NRXN1: variants seen among roughly 807,000 people sequenced by gnomAD.
NRXN1 encodes neurexin 1.
A neutral mutation model predicts 150.9 loss-of-function variants in NRXN1; 39 were observed. The ratio of observed to expected loss-of-function variants is 0.26; its 90% CI spans 0.20 to 0.34. NRXN1 has a LOEUF of 0.34. Among genes scored for constraint, NRXN1 ranks in the 10% least tolerant of loss-of-function variants. The pLI is 1.00. For missense variants in NRXN1, 1,815 were observed against 1,949.9 expected (o/e 0.93, Z 1.30); for synonymous variants, 924 against 757.0 (o/e 1.22, Z -3.62).
intron 18 of NRXN1, among the ~76,000 whole-genome samples, chr2:50,177,551 A>C (rs1048887036): frequency 6.6e-6 from 1 of 151,926 alleles, no homozygotes; most frequent in African/African-American, 2.4e-5. Flanking sequence ...AACAGAGCTA[A>C]AATATTATAT....
At chr2:50,407,748 G>A (rs115323320) in intron 17 of NRXN1, among the ~76,000 whole-genome samples, 1,526 of 152,102 alleles carry the variant, frequency 0.01, 21 homozygotes, top group African/African-American at 0.035. Context: ...AGAGACCTCC[G>A]CAGCAAAAAG....
intron 5 of NRXN1, among the ~76,000 whole-genome samples, chr2:50,736,552 C>T (rs1698775447): frequency 3.9e-5 from 6 of 152,122 alleles, no homozygotes; most frequent in Admixed American, 3.9e-4. Context: ...ATAATTGAAT[C>T]ACGAGGGCGG....
intron 21 of NRXN1, among the ~76,000 whole-genome samples, chr2:49,984,932 T>C (rs913496960): frequency 2.6e-5 from 4 of 152,176 alleles, no homozygotes; most frequent in African/African-American, 9.7e-5. Context: ...TATTTGGGCA[T>C]CCATTCCTGA....
intron 21 of NRXN1, among the ~76,000 whole-genome samples, chr2:49,968,942 T>C (rs1455688188): frequency 1.3e-5 from 2 of 152,104 alleles, no homozygotes; most frequent in Non-Finnish European, 2.9e-5. Context: ...TGTTCTGGCA[T>C]AGATACAATC....
At position 50,986,296 on chromosome 2, in the gene NRXN1, C is replaced by A. The variant is rs185697445; in HGVS notation, c.772+41206G>T. On this transcript the variant is annotated intron_variant, in intron 2 of 22. Coordinates refer to ENST00000401669, the MANE Select transcript of NRXN1 (RefSeq NM_001330078.2). ...TAACGTAAATTGGCAGTAGTTTGCT[C>A]TTGGGAATTTCATTTTTATAAATAA... Among the ~76,000 whole-genome samples the A allele has an allele frequency of 6.4e-4, 97 of 151,718 alleles. 1 individual carries two copies. Among genetic ancestry groups the A allele is most frequent in the Non-Finnish European group, 4.4e-4 (30 of 67,698 alleles).
chr2:50,402,992 T>A (rs1190058225), intron 17 of NRXN1, among the ~76,000 whole-genome samples: 1 of 151,990 alleles, frequency 6.6e-6, no homozygotes, highest in Non-Finnish European at 1.5e-5. Flanking sequence ...AATGTAAGGG[T>A]GCGGATTGGG....
intron 21 of NRXN1, among the ~76,000 whole-genome samples, chr2:50,031,155 C>T (rs1190716208): frequency 6.6e-6 from 1 of 152,024 alleles, no homozygotes; most frequent in Non-Finnish European, 1.5e-5. Context: ...TATCCAATGA[C>T]TTAAGAAAGT....
chr2:50,215,428 T>A lies in NRXN1; in HGVS notation c.3546+21361A>T, dbSNP rs990194442. ...ATGACCTGCTACCAAGTATAAATATTACAGCTTCCTGTGTCTAACATTGTC... is the reference window on the plus strand; with the variant it reads ...ATGACCTGCTACCAAGTATAAATATAACAGCTTCCTGTGTCTAACATTGTC... On this transcript the variant is annotated intron_variant, in intron 18 of 22. Transcript: ENST00000401669. 1.4e-4 allele frequency among the ~76,000 whole-genome samples: 21 copies of A among 152,166 alleles called. No individual in the cohort carries two copies. The South Asian group carries it at 3.9e-3, about 29-fold the overall frequency.
chr2:50,823,405 A>G (rs1369884497), intron 5 of NRXN1, among the ~76,000 whole-genome samples: 5 of 152,146 alleles, frequency 3.3e-5, no homozygotes, highest in African/African-American at 1.2e-4. Flanking sequence ...AATACCTACC[A>G]TCATACAACT....
intron 18 of NRXN1, among the ~76,000 whole-genome samples, chr2:50,219,656 G>A (rs2063657493): frequency 6.6e-6 from 1 of 151,108 alleles, no homozygotes; most frequent in South Asian, 2.1e-4. Context: ...GGAGGCCAAG[G>A]CAGGAGGATC....
chr2:50,918,517 C>T (rs1000570476), intron 5 of NRXN1: 16 of 363,574 alleles, frequency 4.4e-5, no homozygotes, highest in African/African-American at 2.1e-4. Flanking sequence ...TGCCAACATT[C>T]GCTGATAATT....
intron 18 of NRXN1, among the ~76,000 whole-genome samples, chr2:50,221,706 C>G (rs2063902383): frequency 6.6e-6 from 1 of 151,986 alleles, no homozygotes; most frequent in African/African-American, 2.4e-5. Context: ...AAAAACTCAA[C>G]TAGGTACATC....
chr2:50,467,130 G>T (rs191740295), intron 16 of NRXN1, among the ~76,000 whole-genome samples: 1 of 151,848 alleles, frequency 6.6e-6, no homozygotes, highest in African/African-American at 2.4e-5. Context: ...ATTTCCATGT[G>T]CAGCGTTTAT....
intron 8 of NRXN1, among the ~76,000 whole-genome samples, chr2:50,564,345 C>T (rs950170528): frequency 6.6e-5 from 10 of 152,002 alleles, no homozygotes; most frequent in Admixed American, 5.2e-4. Context: ...GGGGAGTGTT[C>T]ATTATTTAAA....
At chr2:50,369,989 T>C (rs1442500952) in intron 17 of NRXN1, among the ~76,000 whole-genome samples, 1 of 151,998 alleles carries the variant, frequency 6.6e-6, no homozygotes, top group African/African-American at 2.4e-5. Context: ...CAAAGGTAAA[T>C]GTATCTCTTC....
chr2:50,738,430 C>A (rs1014767858), intron 5 of NRXN1, among the ~76,000 whole-genome samples: 1 of 152,150 alleles, frequency 6.6e-6, no homozygotes, highest in Non-Finnish European at 1.5e-5. Flanking sequence ...CATTTAATAT[C>A]TAATTTATTC....
intron 8 of NRXN1, among the ~76,000 whole-genome samples, chr2:50,564,929 T>G (rs1332073237): frequency 1.3e-5 from 2 of 152,176 alleles, no homozygotes; most frequent in Non-Finnish European, 2.9e-5. Context: ...CTACTGAATT[T>G]CTCATGGCAC....
intron 15 of NRXN1, among the ~76,000 whole-genome samples, chr2:50,486,657 T>A (rs1414599204): frequency 6.6e-6 from 1 of 151,470 alleles, no homozygotes; most frequent in African/African-American, 2.4e-5. Context: ...GGTAGGGGAG[T>A]GTGAGTGGGG....
intron 18 of NRXN1, among the ~76,000 whole-genome samples, chr2:50,235,256 A>G (rs2065309473): frequency 6.6e-6 from 1 of 152,164 alleles, no homozygotes; most frequent in Non-Finnish European, 1.5e-5. Flanking sequence ...TTACTGTACT[A>G]GTAAAATTTA....
Sources: gnomAD v4.1 joint callset for allele counts (sites outside exome capture counted in the v4.1 genomes callset) on GRCh38, gnomAD v4.1.1 for gene constraint, MANE v1.5 for transcripts, NCBI Gene and HGNC (gene_info 2026-07-23, HGNC 2026-07-21) for gene names.